PRDX1: variants seen among roughly 807,000 people sequenced by gnomAD.
PRDX1 encodes the protein peroxiredoxin 1.
A neutral mutation model predicts 20.7 loss-of-function variants in PRDX1; 19 were observed. That is an observed-to-expected ratio of 0.92 (90% CI 0.64 to 1.35). The LOEUF is 1.35. Among genes scored for constraint, PRDX1 ranks in the 40% most tolerant of loss-of-function variants. PRDX1 has a pLI of 0.00. For synonymous variants in PRDX1, 89 were observed against 83.9 expected, an observed-to-expected ratio of 1.06 and a Z score of -0.33; for missense variants, 226 against 240.0, an observed-to-expected ratio of 0.94 and a Z score of 0.38.
chr1:45,511,322 C>T lies in PRDX1; in HGVS notation c.*7G>A, dbSNP rs574208800. ...CACCGCAGCCTGGCACTAAAACAGC[C>T]CAGCGCTCACTTCTGCTTGGAGAAA... On this transcript the variant is annotated 3_prime_UTR_variant, in exon 6 of 6. Coordinates refer to ENST00000319248, the MANE Select transcript of PRDX1 (RefSeq NM_181697.3). 3.7e-6 allele frequency: 6 copies of T among 1,606,636 alleles called. 1 individual carries two copies. In the South Asian group the frequency reaches 4.4e-5, roughly 12 times the overall value.
chr1:45,522,738 T>G (rs903949050), upstream of PRDX1: 1 of 152,152 alleles, frequency 6.6e-6, no homozygotes, highest in African/African-American at 2.4e-5. Context: ...AACTAAAGTT[T>G]GTTCTATTCC....
At position 45,517,504 on chromosome 1, in the gene PRDX1, G is replaced by A. The variant is rs554284883; in HGVS notation, c.106+1434C>T. ...GCATGAAACTATGACAACAGAGGCC[G>A]GGCGCAGTGGCTCACGCCTGTAATC... On this transcript the variant is annotated intron_variant, in intron 2 of 5. Transcript: ENST00000319248. Among the ~76,000 whole-genome samples the A allele has an allele frequency of 2.1e-4, 32 of 152,238 alleles. No homozygotes were observed. The South Asian group carries it at 4.8e-3, about 23-fold the overall frequency.
At chr1:45,512,264 G>C (rs1484557734) in intron 5 of PRDX1, 2 of 150,978 alleles carry the variant, frequency 1.3e-5, no homozygotes, top group Non-Finnish European at 1.5e-5. Context: ...TTTTGAGACA[G>C]TCTCACATTG....
At chr1:45,514,280 C>T (rs1643816595) in intron 5 of PRDX1, among the ~76,000 whole-genome samples, 1 of 152,174 alleles carries the variant, frequency 6.6e-6, no homozygotes, top group African/African-American at 2.4e-5. Flanking sequence ...CTCCGAGAAA[C>T]ACCCAAGAAT....
intron 4 of PRDX1, 83 bp downstream of exon 4, chr1:45,514,790 C>A: frequency 6.3e-7 from 1 of 1,582,530 alleles, no homozygotes; most frequent in Non-Finnish European, 8.6e-7. Flanking sequence ...AATGAAATGA[C>A]AAGGAGTCTC....
upstream of PRDX1, chr1:45,522,009 C>G (rs1643919437): frequency 6.6e-6 from 1 of 152,380 alleles, no homozygotes; most frequent in Non-Finnish European, 1.5e-5. Flanking sequence ...CGGCGCGCCC[C>G]GCCGGAATGA....
intron 5 of PRDX1, chr1:45,511,731 C>T (rs770828810): frequency 6.5e-5 from 14 of 215,608 alleles, no homozygotes; most frequent in East Asian, 3.3e-4. Flanking sequence ...GCTAAATAAA[C>T]GACACACATA....
chr1:45,514,799 T>G, intron 4 of PRDX1, 74 bp downstream of exon 4: 1 of 1,592,224 alleles, frequency 6.3e-7, no homozygotes, highest in Non-Finnish European at 8.6e-7. Flanking sequence ...ACAAGGAGTC[T>G]CTACAGATCA....
chr1:45,514,879 G>A lies in PRDX1; in HGVS notation c.377C>T (p.Ser126Leu), dbSNP rs376455729. 9.3e-6 allele frequency: 15 copies of A among 1,614,026 alleles called. No individual in the cohort carries two copies. Among genetic ancestry groups the A allele is most frequent in the East Asian group, 6.7e-5 (3 of 44,894 alleles). Residue 126 changes from serine to leucine, a missense_variant, in exon 4 of 6, where the codon TCG (serine) becomes TTG (leucine). Transcript: ENST00000319248. Reference protein sequence around the residue: ...YGVLKADEGISFRGLFIIDDK... With the variant: ...YGVLKADEGILFRGLFIIDDK... ...ACTTGTCCTGATGACATACCTGAAC[G>A]AGATGCCTTCATCAGCCTTTAAGAC...
chr1:45,513,657 G>C (rs1036695712), intron 5 of PRDX1, among the ~76,000 whole-genome samples: 3 of 152,196 alleles, frequency 2.0e-5, no homozygotes, highest in Non-Finnish European at 4.4e-5. Flanking sequence ...TGTGCTCCCT[G>C]AAACATGTGC....
intron 1 of PRDX1, among the ~76,000 whole-genome samples, chr1:45,520,186 CAG>C (rs1372973006): frequency 1.6e-5 from 2 of 125,946 alleles, no homozygotes; most frequent in African/African-American, 6.5e-5. Context: ...GCCTGGGCAA[CAG>C]AGTGAGACTC....
upstream of PRDX1, among the ~76,000 whole-genome samples, chr1:45,522,593 AC>A (rs1457519448): frequency 6.6e-6 from 1 of 152,188 alleles, no homozygotes; most frequent in Non-Finnish European, 1.5e-5. Context: ...CCTGATGACT[AC>A]CCCCCACAAA....
chr1:45,515,166 C>T (rs924106972), intron 3 of PRDX1, among the ~76,000 whole-genome samples, 171 bp from the exon 4 acceptor site: 3 of 152,222 alleles, frequency 2.0e-5, no homozygotes, highest in South Asian at 2.1e-4. Context: ...CACTAGGGTA[C>T]ACTCAACTGC....
rs35407028 is a variant in PRDX1 at position 45,518,467 on chromosome 1, CAAAAAA to C, written c.106+465_106+470del. ...GGGCAACAAGAGCAAAACTCCATCTCAAAAAAAAAAAAAAAAAAAAAAAGTACAAAA... is the reference window on the plus strand; with the variant it reads ...GGGCAACAAGAGCAAAACTCCATCTCAAAAAAAAAAAAAAAAAGTACAAAA... On this transcript the variant is annotated intron_variant, in intron 2 of 5. Transcript: ENST00000319248. Among the ~76,000 whole-genome samples, 10 of 48,050 alleles carry C rather than the reference CAAAAAA, an allele frequency of 2.1e-4. 1 individual carries two copies. Among genetic ancestry groups the C allele is most frequent in the South Asian group, 8.6e-4 (1 of 1,164 alleles). The allele number at this position is 48,050 out of a possible 152,430, so 31.5% of individuals were successfully genotyped here. A position where few individuals can be genotyped will look rare whatever the true frequency, so the allele number is the denominator to read the frequency against.
In PRDX1 at chr1:45,515,788, G is replaced by T; in HGVS notation, c.126C>A (p.Phe42Leu). The change falls in exon 3 of 6, where the codon TTC becomes TTA. Residue 42 changes from phenylalanine (F) to leucine (L), a missense_variant. Physicochemically the swap from Phe to Leu is conservative, Grantham distance 22. Coordinates refer to ENST00000319248, the MANE Select transcript of PRDX1 (RefSeq NM_181697.3). ...CAAAGGTGAAGTCAAGAGGGTAAAA[G>T]AAGAACACAACATATTTTCCTGGGG... Reference protein sequence around the residue: ...SDYKGKYVVFFFYPLDFTFVC... With the variant: ...SDYKGKYVVFLFYPLDFTFVC... The T allele has an allele frequency of 6.3e-7, 1 of 1,577,852 alleles. No homozygotes were observed. Among genetic ancestry groups the T allele is most frequent in the South Asian group, 1.2e-5 (1 of 84,090 alleles).
rs751828470 is a variant in PRDX1 at position 45,511,415 on chromosome 1, C to A, written c.515-1G>T. ...CCAGGTTTCCAGCCAGCTGGGCACA[C>A]TGCAAGAGAAAGGCACCACTAATTA... On this transcript the variant is annotated splice_acceptor_variant, in intron 5 of 5. Coordinates refer to ENST00000319248, the MANE Select transcript of PRDX1 (RefSeq NM_181697.3). LOFTEE classifies it high-confidence loss of function. 2.6e-5 allele frequency: 42 copies of A among 1,611,980 alleles called. No homozygotes were observed. The highest frequency in any genetic ancestry group is 1.7e-4 in the Middle Eastern group (1 of 6,050).
At chr1:45,512,050 G>T (rs1391989569) in intron 5 of PRDX1, 1 of 151,608 alleles carries the variant, frequency 6.6e-6, no homozygotes, top group South Asian at 2.1e-4. Context: ...TGAGGCAAGG[G>T]GACTAATCTC....
intron 1 of PRDX1, 132 bp downstream of exon 1, chr1:45,521,697 C>T (rs1197281713): frequency 1.3e-5 from 2 of 152,448 alleles, no homozygotes; most frequent in Non-Finnish European, 2.9e-5. Flanking sequence ...CTCCGGGCCT[C>T]CCCCGGCTGC....
chr1:45,514,547 T>C lies in PRDX1; in HGVS notation c.474A>G (p.Arg158=). ...CAGTGAACTGGAAGGCCTGAACTAG[T>C]CTCAAAGTCTCATCCACAGAGCGGC... ...PVGRSVDETL[R]LVQAFQFTDK... is the part of the protein sequence containing the mutation. The change falls in exon 5 of 6, where the codon AGA becomes AGG. Residue 158 remains arginine (R), a synonymous_variant. Coordinates refer to ENST00000319248, the MANE Select transcript of PRDX1 (RefSeq NM_181697.3). 1 of 1,614,080 alleles carries C rather than the reference T, an allele frequency of 6.2e-7. No homozygotes were observed. The highest frequency in any genetic ancestry group is 8.5e-7 in the Non-Finnish European group (1 of 1,179,996).
Sources: gnomAD v4.1 joint callset for allele counts (sites outside exome capture counted in the v4.1 genomes callset) on GRCh38, gnomAD v4.1.1 for gene constraint, MANE v1.5 for transcripts, NCBI Gene and HGNC (gene_info 2026-07-23, HGNC 2026-07-21) for gene names.